SHANK2: variants seen among roughly 807,000 people sequenced by gnomAD.
SHANK2 encodes the protein SH3 and multiple ankyrin repeat domains protein 2.
Under a neutral mutation model 133.7 loss-of-function variants are expected in SHANK2, and 43 were observed. The observed-to-expected ratio is 0.32, with a 90% CI of 0.25 to 0.41. The LOEUF (loss-of-function observed/expected upper bound fraction) is 0.41. SHANK2 is among the 10% of genes least tolerant of loss of function. SHANK2 has a pLI of 1.00. For synonymous variants in SHANK2, 1,017 were observed against 952.8 expected (o/e 1.07, Z -1.24); for missense variants, 1,994 against 2,235.8 (o/e 0.89, Z 2.18).
intron 14 of SHANK2, among the ~76,000 whole-genome samples, chr11:70,757,445 C>G (rs782541689): frequency 6.6e-6 from 1 of 152,200 alleles, no homozygotes; most frequent in Non-Finnish European, 1.5e-5. Flanking sequence ...ATGGAGAGGC[C>G]GGGACACCCA....
At chr11:70,662,814 G>T (rs1944594841) in intron 15 of SHANK2, among the ~76,000 whole-genome samples, 1 of 152,152 alleles carries the variant, frequency 6.6e-6, no homozygotes, top group African/African-American at 2.4e-5. Context: ...CAGAGTGTGT[G>T]GGACGGTGCC....
intron 15 of SHANK2, among the ~76,000 whole-genome samples, chr11:70,677,897 G>A (rs1323783356): frequency 6.6e-6 from 1 of 152,144 alleles, no homozygotes; most frequent in Non-Finnish European, 1.5e-5. Flanking sequence ...TTGTAGGCTC[G>A]CTCCTTCTTT....
intron 12 of SHANK2, among the ~76,000 whole-genome samples, chr11:70,819,514 G>A (rs2135340007): frequency 6.6e-6 from 1 of 152,358 alleles, no homozygotes; most frequent in African/African-American, 2.4e-5. Flanking sequence ...GAAAGGCAGA[G>A]ACCTGCTTGG....
chr11:70,770,799 T>A (rs1355285749), intron 14 of SHANK2, among the ~76,000 whole-genome samples: 1 of 151,850 alleles, frequency 6.6e-6, no homozygotes, highest in Non-Finnish European at 1.5e-5. Flanking sequence ...TCAGTCCCTC[T>A]CCGACACACA....
intron 14 of SHANK2, among the ~76,000 whole-genome samples, chr11:70,757,076 T>C (rs2134948496): frequency 6.6e-6 from 1 of 152,322 alleles, no homozygotes; most frequent in Admixed American, 6.5e-5. Flanking sequence ...AGGTAACAAA[T>C]GCTTAATAAA....
chr11:70,617,079 ATG>A (rs782220845), intron 17 of SHANK2, among the ~76,000 whole-genome samples: 8 of 150,450 alleles, frequency 5.3e-5, no homozygotes, highest in African/African-American at 1.5e-4. Context: ...GTGTGTGTAT[ATG>A]TGTGTGTCTA....
intron 17 of SHANK2, among the ~76,000 whole-genome samples, chr11:70,658,538 T>A (rs1555012351): frequency 6.6e-6 from 1 of 152,198 alleles, no homozygotes; most frequent in African/African-American, 2.4e-5. Context: ...ATAATTTAAA[T>A]GCATCTTCCA....
intron 11 of SHANK2, among the ~76,000 whole-genome samples, chr11:70,848,044 C>T (rs1054109759): frequency 1.3e-5 from 2 of 152,208 alleles, no homozygotes; most frequent in African/African-American, 2.4e-5. Context: ...GTAGGAAGGG[C>T]GGCCCCACAC....
chr11:71,225,317 T>C (rs907959800), intron 1 of SHANK2, among the ~76,000 whole-genome samples: 1 of 152,196 alleles, frequency 6.6e-6, no homozygotes, highest in African/African-American at 2.4e-5. Context: ...CCTGTGTGGC[T>C]ATAATGAAGC....
Position 70,487,127 on chromosome 11 carries a change from C to A in SHANK2, c.3166G>T (p.Asp1056Tyr). 6.2e-7 allele frequency: 1 copy of A among 1,612,052 alleles called. No homozygotes were observed. Among genetic ancestry groups the A allele is most frequent in the Non-Finnish European group, 8.5e-7 (1 of 1,180,000 alleles). The part of the protein sequence containing the change: ...KSSQGSSMEI[D>Y]PQAPEPPSQL... ...CTCGGTGGCTCCGGGGCCTGGGGGTCGATCTCCATGCTGCTGCCCTGGCTG... is the reference window on the plus strand; with the variant it reads ...CTCGGTGGCTCCGGGGCCTGGGGGTAGATCTCCATGCTGCTGCCCTGGCTG... The change falls in exon 25 of 26, where the codon GAC becomes TAC. Residue 1056 changes from aspartate (D) to tyrosine (Y), a missense_variant. Physicochemically the swap from Asp to Tyr is radical, Grantham distance 160. This residue lies in a region of SHANK2 where 488 missense variants were observed against 642.6 expected (regional missense o/e 0.76). Transcript: ENST00000601538. The surrounding 1 kb of genome is among the most constrained non-coding windows in gnomAD (Gnocchi z 5.8).
chr11:70,636,397 G>T (rs566086857), intron 17 of SHANK2, among the ~76,000 whole-genome samples: 2 of 152,182 alleles, frequency 1.3e-5, no homozygotes, highest in Non-Finnish European at 2.9e-5. Context: ...GTATGAGTGT[G>T]TATGCGAGCA....
At chr11:70,892,162 C>T (rs191648192) in intron 11 of SHANK2, among the ~76,000 whole-genome samples, 34 of 152,332 alleles carry the variant, frequency 2.2e-4, no homozygotes, top group African/African-American at 7.7e-4. Flanking sequence ...TCAGTCCATC[C>T]ATTCTCAGAC....
intron 11 of SHANK2, 169 bp downstream of exon 11, chr11:70,896,332 T>TA: frequency 3.5e-6 from 2 of 565,176 alleles, no homozygotes; most frequent in Admixed American, 3.2e-5. Flanking sequence ...CACTATAAGT[T>TA]AAAAAAAGTT....
chr11:70,876,078 C>T (rs1466586707), intron 11 of SHANK2, among the ~76,000 whole-genome samples: 14 of 151,774 alleles, frequency 9.2e-5, no homozygotes, highest in Non-Finnish European at 1.9e-4. Context: ...ATCACTTGAA[C>T]CCGGGAGGTG....
chr11:70,628,799 T>C (rs1445003291), intron 17 of SHANK2, among the ~76,000 whole-genome samples: 2 of 152,134 alleles, frequency 1.3e-5, no homozygotes, highest in African/African-American at 4.8e-5. Context: ...TCAAACTGAG[T>C]GTCTAGGAAG....
chr11:71,083,285 G>GATGATGACA (rs1215559756), intron 8 of SHANK2, among the ~76,000 whole-genome samples: 1 of 152,130 alleles, frequency 6.6e-6, no homozygotes, highest in Non-Finnish European at 1.5e-5. Flanking sequence ...GTGGCCACAT[G>GATGATGACA]ATGATGACAA....
chr11:70,666,689 C>G (rs1322542267), intron 15 of SHANK2, among the ~76,000 whole-genome samples: 1 of 152,152 alleles, frequency 6.6e-6, no homozygotes, highest in Non-Finnish European at 1.5e-5. Context: ...ATGACCGAGG[C>G]GCCTACACGT....
chr11:71,100,290 T>G (rs1555096393), intron 6 of SHANK2, among the ~76,000 whole-genome samples: 1 of 152,204 alleles, frequency 6.6e-6, no homozygotes, highest in East Asian at 1.9e-4. Flanking sequence ...GCTGAAAACT[T>G]ACGTCCACAA....
At position 70,635,923 on chromosome 11, in the gene SHANK2, C is replaced by T. The variant is rs75953291; in HGVS notation, c.2061+23905G>A. On this transcript the variant is annotated intron_variant, in intron 17 of 25. Coordinates refer to ENST00000601538, the MANE Select transcript of SHANK2 (RefSeq NM_012309.5). ...GGCCTTGACACAGCCTGAAAGGCCCCGTAGGGCATGAGGCCCGCCCCTTTC... is the reference window on the plus strand; with the variant it reads ...GGCCTTGACACAGCCTGAAAGGCCCTGTAGGGCATGAGGCCCGCCCCTTTC... Among the ~76,000 whole-genome samples, 1,305 of 152,328 alleles carry T rather than the reference C, an allele frequency of 8.6e-3. 19 individuals are homozygous for T. Among genetic ancestry groups the T allele is most frequent in the African/African-American group, 0.03 (1,238 of 41,582 alleles).
Sources: gnomAD v4.1 joint callset for allele counts (sites outside exome capture counted in the v4.1 genomes callset) on GRCh38, gnomAD v4.1.1 for gene constraint, gnomAD v4.1.1 regional missense constraint, Gnocchi (gnomAD v3.1) non-coding constraint, MANE v1.5 for transcripts, NCBI Gene and HGNC (gene_info 2026-07-23, HGNC 2026-07-21) for gene names.